Variants in P2RX7 observed in about 807,000 individuals in gnomAD.
The protein encoded by P2RX7 is purinergic receptor P2X 7, also known as P2X purinoceptor 7.
In P2RX7, 62 loss-of-function variants were observed where a neutral mutation model predicts 71.6. That is an observed-to-expected ratio of 0.87 (90% CI 0.71 to 1.07). The LOEUF (loss-of-function observed/expected upper bound fraction) is 1.07. Among genes scored for constraint, P2RX7 ranks in the 50% least tolerant of loss-of-function variants. The pLI is 0.00. For missense variants in P2RX7, 686 were observed against 748.5 expected, an observed-to-expected ratio of 0.92 and a Z score of 0.97; for synonymous variants, 299 against 283.3, an observed-to-expected ratio of 1.06 and a Z score of -0.56.
chr12:121,173,280 G>A (rs1305695520), intron 8 of P2RX7, among the ~76,000 whole-genome samples: 2 of 152,146 alleles, frequency 1.3e-5, no homozygotes, highest in Non-Finnish European at 2.9e-5. Context: ...CTGCCTCCTG[G>A]GTTCAAGTGA....
intron 5 of P2RX7, 88 bp downstream of exon 5, chr12:121,162,608 C>A: frequency 6.7e-7 from 1 of 1,491,302 alleles, no homozygotes; most frequent in Non-Finnish European, 9.1e-7. Context: ...CCCCTCTCAG[C>A]ACAGCCCTGC....
intron 1 of P2RX7, among the ~76,000 whole-genome samples, chr12:121,141,639 T>C (rs1189913628): frequency 6.6e-6 from 1 of 152,196 alleles, no homozygotes; most frequent in East Asian, 1.9e-4. Flanking sequence ...TGAAGGGTTT[T>C]ATGTTCATAT....
At chr12:121,167,008 C>T (rs1383372316) in intron 7 of P2RX7, among the ~76,000 whole-genome samples, 1 of 149,358 alleles carries the variant, frequency 6.7e-6, no homozygotes, top group Non-Finnish European at 1.5e-5. Context: ...GCCGAGATCG[C>T]ACCACTGCAC....
intron 1 of P2RX7, among the ~76,000 whole-genome samples, chr12:121,146,384 C>G (rs1187311530): frequency 6.9e-6 from 1 of 145,106 alleles, no homozygotes; most frequent in African/African-American, 2.6e-5. Context: ...CCTCTGCCTC[C>G]TGGTTTCAAG....
intron 5 of P2RX7, among the ~76,000 whole-genome samples, chr12:121,164,962 CG>C (rs1159066671): frequency 1.3e-5 from 2 of 152,018 alleles, no homozygotes; most frequent in Non-Finnish European, 2.9e-5. Flanking sequence ...AGGCGGGTTT[CG>C]GGGGATGTGC....
chr12:121,142,592 T>C lies in P2RX7; in HGVS notation c.125+9497T>C, dbSNP rs145643488. ...CCTGGGCTCAAGTGATCCTCCTGCG[T>C]TGGCCTCCCAAAGTGCTGGGATTAC... On this transcript the variant is annotated intron_variant, in intron 1 of 12. Coordinates refer to ENST00000328963, the MANE Select transcript of P2RX7 (RefSeq NM_002562.6). 3.3e-3 allele frequency among the ~76,000 whole-genome samples: 506 copies of C among 152,238 alleles called. 1 individual carries two copies. The highest frequency in any genetic ancestry group is 0.012 in the African/African-American group (481 of 41,552).
At position 121,154,061 on chromosome 12, in the gene P2RX7, T is replaced by C. The variant is rs1878058402; in HGVS notation, c.126-724T>C. 6.6e-6 allele frequency among the ~76,000 whole-genome samples: 1 copy of C among 151,856 alleles called. No individual in the cohort carries two copies. Among genetic ancestry groups the C allele is most frequent in the Non-Finnish European group, 1.5e-5 (1 of 67,944 alleles). ...CAACTTGAGCTCGGGAGTTGGAGGC[T>C]GCAGTGAGCTACGATCACGCCACTG... On this transcript the variant is annotated intron_variant, in intron 1 of 12. Transcript: ENST00000328963. This position sits in a 1 kb window ranked among gnomAD's most constrained non-coding sequence, Gnocchi z 4.2.
intron 4 of P2RX7, 132 bp downstream of exon 4, chr12:121,161,106 G>A (rs1879584777): frequency 7.9e-6 from 6 of 759,562 alleles, no homozygotes; most frequent in East Asian, 2.5e-5. Context: ...AGCCATAGGC[G>A]AGTCTGCCCA....
chr12:121,153,008 T>C (rs74729617), intron 1 of P2RX7, among the ~76,000 whole-genome samples: 5,517 of 152,348 alleles, frequency 0.036, 144 homozygotes, highest in South Asian at 0.089. Context: ...CCATGGGGAA[T>C]GCTCTTCTTC....
At chr12:121,136,023 A>AAAATAT in intron 1 of P2RX7, among the ~76,000 whole-genome samples, 2 of 15,258 alleles carry the variant, frequency 1.3e-4, no homozygotes, top group Non-Finnish European at 3.7e-4. Context: ...AAAAAAAAAA[A>AAAATAT]ATATATATAT....
intron 5 of P2RX7, among the ~76,000 whole-genome samples, chr12:121,164,410 C>T (rs536560332): frequency 8.2e-4 from 125 of 152,314 alleles, no homozygotes; most frequent in Non-Finnish European, 1.3e-3. Context: ...ACTGTACATA[C>T]CTGAATGTGT....
intron 2 of P2RX7, 77 bp from the exon 3 acceptor site, chr12:121,156,002 C>T (rs966697584): frequency 2.2e-6 from 3 of 1,345,096 alleles, no homozygotes; most frequent in African/African-American, 2.9e-5. Flanking sequence ...GAGGTTCGCC[C>T]AGCAAGCTGG....
Position 121,156,122 on chromosome 12 carries a change from G to GTTTA in P2RX7, c.338_339insTTTA (p.Gln114LeufsTer20), listed in dbSNP as rs1348100633. On this transcript the variant is annotated frameshift_variant, in exon 3 of 13. Transcript: ENST00000328963. LOFTEE classifies it high-confidence loss of function. ...ATGACAAACTTTCTCAAAACAGAAG[G>GTTTA]CCAAGAGCAGCGGTTGTGTCCCGAG... The GTTTA allele has an allele frequency of 1.9e-6, 3 of 1,614,082 alleles. No individual in the cohort carries two copies. In the Admixed American group the frequency reaches 5.0e-5, roughly 27 times the overall value.
chr12:121,175,479 G>A lies in P2RX7; in HGVS notation c.972+1G>A, dbSNP rs149116962. ...TTTTGACATCCTGGTTTTTGGCACC[G>A]TAAGTCTCGTTTCCCAGCTCCGGGC... On this transcript the variant is annotated splice_donor_variant, in intron 9 of 12. Transcript: ENST00000328963. LOFTEE classifies it high-confidence loss of function. 3.0e-5 allele frequency: 38 copies of A among 1,268,340 alleles called. No individual in the cohort carries two copies. The highest frequency in any genetic ancestry group is 1.3e-4 in the African/African-American group (9 of 68,222). 78.6% of individuals were successfully genotyped at this position (1,268,340 alleles called of 1,614,324 possible). A position where few individuals can be genotyped will look rare whatever the true frequency, so the allele number is the denominator to read the frequency against.
At chr12:121,144,277 G>C (rs558617837) in intron 1 of P2RX7, among the ~76,000 whole-genome samples, 2 of 152,012 alleles carry the variant, frequency 1.3e-5, no homozygotes, top group Non-Finnish European at 2.9e-5. Context: ...GCCTCACTTC[G>C]ACCTCTACCT....
At chr12:121,161,910 CCA>C (rs1407258287) in intron 4 of P2RX7, among the ~76,000 whole-genome samples, 2 of 151,632 alleles carry the variant, frequency 1.3e-5, no homozygotes. Flanking sequence ...GCATTCTACT[CCA>C]TACTGTATGT....
chr12:121,162,334 C>T (rs1034251232), intron 4 of P2RX7, 90 bp from the exon 5 acceptor site: 13 of 1,540,638 alleles, frequency 8.4e-6, no homozygotes, highest in Middle Eastern at 3.4e-4. Context: ...TAGTCTCTCG[C>T]CCGGGTTGAG....
intron 1 of P2RX7, among the ~76,000 whole-genome samples, chr12:121,153,399 T>C (rs1310957776): frequency 6.6e-6 from 1 of 152,072 alleles, no homozygotes; most frequent in African/African-American, 2.4e-5. Flanking sequence ...CCTTTAGGGC[T>C]GGGTGTGGTG....
chr12:121,170,007 T>TA (rs1173780250), intron 8 of P2RX7, among the ~76,000 whole-genome samples: 5 of 152,308 alleles, frequency 3.3e-5, no homozygotes, highest in African/African-American at 4.8e-5. Flanking sequence ...TTAGTGCTTA[T>TA]ACCTGGCCCA....
Sources: gnomAD v4.1 joint callset for allele counts (sites outside exome capture counted in the v4.1 genomes callset) on GRCh38, gnomAD v4.1.1 for gene constraint, Gnocchi (gnomAD v3.1) non-coding constraint, MANE v1.5 for transcripts, NCBI Gene and HGNC (gene_info 2026-07-23, HGNC 2026-07-21) for gene names.